BMPR1A: variants seen among roughly 807,000 people sequenced by gnomAD.
BMPR1A encodes bone morphogenetic protein receptor type 1A.
In BMPR1A, 7 loss-of-function variants were observed where a neutral mutation model predicts 66.0. The ratio of observed to expected loss-of-function variants is 0.11; its 90% confidence interval spans 0.06 to 0.20. The LOEUF (loss-of-function observed/expected upper bound fraction) is 0.20. BMPR1A is among the 10% of genes least tolerant of loss of function. The probability of loss-of-function intolerance (pLI) is 1.00; values close to 1 mark genes in which losing one functional copy is unlikely to be tolerated. For synonymous variants in BMPR1A, 200 were observed against 229.7 expected (o/e 0.87, Z 1.17); for missense variants, 408 against 669.1 (o/e 0.61, Z 4.31).
At chr10:86,812,315 G>A (rs1186672006) in intron 1 of BMPR1A, among the ~76,000 whole-genome samples, 1 of 152,128 alleles carries the variant, frequency 6.6e-6, no homozygotes, top group African/African-American at 2.4e-5. Flanking sequence ...TATGCCTTTT[G>A]AGGGTCATCC....
intron 3 of BMPR1A, among the ~76,000 whole-genome samples, chr10:86,883,549 C>CAAAAAAAAAAAAAAAA (rs71019436): frequency 2.2e-5 from 1 of 45,410 alleles, no homozygotes; most frequent in African/African-American, 7.1e-5. Context: ...GACTCCGTCT[C>CAAAAAAAAAAAAAAAA]AAAAAAAAAA....
Position 86,927,237 on chromosome 10 carries a change from A to T in BMPR1A, c.*3518A>T, listed in dbSNP as rs1843758947. ...TTGGGTTGGCCCAGGATCAAATTTG[A>T]TATTGAATAATTTATTCCAGGGCAG... On this transcript the variant is annotated 3_prime_UTR_variant, in exon 13 of 13. Transcript: ENST00000372037. 1 of 190,468 alleles carries T rather than the reference A, an allele frequency of 5.3e-6. No individual in the cohort carries two copies. The highest frequency in any genetic ancestry group is 1.1e-5 in the Non-Finnish European group (1 of 90,846). 11.8% of individuals were successfully genotyped at this position (190,468 alleles called of 1,614,324 possible).
intron 3 of BMPR1A, 32 bp from the exon 4 acceptor site, chr10:86,890,030 G>A (rs1263596469): frequency 2.9e-5 from 46 of 1,610,522 alleles, no homozygotes; most frequent in Non-Finnish European, 3.6e-5. Flanking sequence ...TTTCAGAAAT[G>A]ATTTACTTAC....
chr10:86,805,746 C>T (rs1414289194), intron 1 of BMPR1A, among the ~76,000 whole-genome samples: 1 of 152,184 alleles, frequency 6.6e-6, no homozygotes, highest in Non-Finnish European at 1.5e-5. Flanking sequence ...CAGGTATGAG[C>T]TACTGTGCCC....
intron 2 of BMPR1A, among the ~76,000 whole-genome samples, chr10:86,868,676 C>T (rs74153420): frequency 4.6e-5 from 7 of 152,044 alleles, no homozygotes; most frequent in African/African-American, 1.4e-4. Context: ...CCAAACTTCT[C>T]TACTAGAAAG....
chr10:86,890,011 CAA>C, intron 3 of BMPR1A, 49 bp from the exon 4 acceptor site: 1 of 1,599,176 alleles, frequency 6.3e-7, no homozygotes, highest in Non-Finnish European at 8.6e-7. Flanking sequence ...TGTCACGAAA[CAA>C]TGAGCTTTTC....
chr10:86,813,103 G>T (rs747789706), intron 1 of BMPR1A, among the ~76,000 whole-genome samples: 12 of 152,146 alleles, frequency 7.9e-5, no homozygotes, highest in Non-Finnish European at 1.5e-4. Flanking sequence ...TTCTCTGAAG[G>T]TGATTTTCTT....
At chr10:86,899,746 G>A in intron 5 of BMPR1A, 48 bp from the exon 6 acceptor site, 1 of 1,564,468 alleles carries the variant, frequency 6.4e-7, no homozygotes, top group Non-Finnish European at 8.8e-7. Flanking sequence ...AGACATATCA[G>A]TTTAAAATAC....
At chr10:86,844,223 A>G (rs914285787) in intron 2 of BMPR1A, among the ~76,000 whole-genome samples, 7 of 152,228 alleles carry the variant, frequency 4.6e-5, no homozygotes, top group African/African-American at 1.4e-4. Context: ...TGAAAAAAGC[A>G]AAGTATGACC....
intron 3 of BMPR1A, among the ~76,000 whole-genome samples, chr10:86,881,932 G>C (rs942896888): frequency 6.6e-6 from 1 of 151,960 alleles, no homozygotes; most frequent in Non-Finnish European, 1.5e-5. Flanking sequence ...ACATTGCCTT[G>C]ATGTTTGATG....
intron 3 of BMPR1A, among the ~76,000 whole-genome samples, chr10:86,887,442 TTTG>T (rs1260580426): frequency 6.6e-6 from 1 of 152,242 alleles, no homozygotes; most frequent in Non-Finnish European, 1.5e-5. Context: ...TGTTCTGATC[TTTG>T]TTATTAGTAA....
intron 1 of BMPR1A, among the ~76,000 whole-genome samples, chr10:86,832,938 A>T (rs1842292707): frequency 6.6e-6 from 1 of 152,166 alleles, no homozygotes; most frequent in African/African-American, 2.4e-5. Flanking sequence ...GGATCCTGTG[A>T]TAAGTTTATA....
intron 5 of BMPR1A, among the ~76,000 whole-genome samples, chr10:86,896,939 T>A (rs1337762854): frequency 7.2e-5 from 11 of 152,230 alleles, no homozygotes; most frequent in African/African-American, 2.7e-4. Context: ...AGCACAGCTC[T>A]GTCATGCTCA....
At chr10:86,828,583 T>TGAGA (rs979822159) in intron 1 of BMPR1A, among the ~76,000 whole-genome samples, 4 of 152,342 alleles carry the variant, frequency 2.6e-5, no homozygotes, top group African/African-American at 9.6e-5. Flanking sequence ...CTTTATGTGT[T>TGAGA]GAGAGAGTGT....
intron 2 of BMPR1A, among the ~76,000 whole-genome samples, chr10:86,857,751 CAAA>C (rs1207331757): frequency 1.1e-5 from 1 of 87,060 alleles, no homozygotes; most frequent in African/African-American, 4.0e-5. Context: ...TCTAGTGATC[CAAA>C]AAAAAAAAAA....
intron 2 of BMPR1A, among the ~76,000 whole-genome samples, chr10:86,843,127 G>A (rs894041146): frequency 3.3e-5 from 5 of 152,134 alleles, no homozygotes; most frequent in South Asian, 4.1e-4. Flanking sequence ...CAACTTACCC[G>A]TTTAAGCATT....
In BMPR1A at chr10:86,921,508, C is replaced by T; in HGVS notation, c.1167-12C>T. The stretch of plus-strand genomic sequence containing the variant: ...GGCCCTCAACTTGGACCTTGGCTTT[C>T]TTTTGTTTCAGTGACACAAATGAAG... On this transcript the variant is annotated splice_polypyrimidine_tract_variant and intron_variant, in intron 10 of 12. Transcript: ENST00000372037. 6.2e-7 allele frequency: 1 copy of T among 1,613,786 alleles called. No individual in the cohort carries two copies. The highest frequency in any genetic ancestry group is 8.5e-7 in the Non-Finnish European group (1 of 1,179,840).
chr10:86,857,542 G>A (rs1418572114), intron 2 of BMPR1A, among the ~76,000 whole-genome samples: 1 of 152,122 alleles, frequency 6.6e-6, no homozygotes, highest in African/African-American at 2.4e-5. Flanking sequence ...AGCTGGATGT[G>A]GTTCTAATCT....
intron 1 of BMPR1A, among the ~76,000 whole-genome samples, chr10:86,766,694 C>G (rs1589705554): frequency 6.7e-6 from 1 of 149,490 alleles, no homozygotes; most frequent in African/African-American, 2.5e-5. Flanking sequence ...CTGCTCACAG[C>G]AAGCTCCGCC....
Sources: gnomAD v4.1 joint callset for allele counts (sites outside exome capture counted in the v4.1 genomes callset) on GRCh38, gnomAD v4.1.1 for gene constraint, MANE v1.5 for transcripts, NCBI Gene and HGNC (gene_info 2026-07-23, HGNC 2026-07-21) for gene names.